The following HGSNAT variants were observed in gnomAD, a reference collection of about 807,000 sequenced individuals.
HGSNAT encodes transmembrane protein 76.
A neutral mutation model predicts 85.2 loss-of-function variants in HGSNAT; 59 were observed. That is an observed-to-expected ratio of 0.69 (90% CI 0.56 to 0.86). HGSNAT has a LOEUF of 0.86. Among genes scored for constraint, HGSNAT ranks in the 40% least tolerant of loss-of-function variants. The probability of loss-of-function intolerance (pLI) is 0.00; values close to 1 mark genes in which losing one functional copy is unlikely to be tolerated. For synonymous variants in HGSNAT, 321 were observed against 304.5 expected (o/e 1.05, Z -0.56); for missense variants, 756 against 777.1 (o/e 0.97, Z 0.32).
At position 43,199,481 on chromosome 8, in the gene HGSNAT, A is replaced by G; in HGVS notation, c.1820A>G (p.Glu607Gly). 1 of 1,612,946 alleles carries G rather than the reference A, an allele frequency of 6.2e-7. No homozygotes were observed. Among genetic ancestry groups the G allele is most frequent in the South Asian group, 1.1e-5 (1 of 90,712 alleles). Residue 607 changes from glutamate to glycine, a missense_variant, in exon 18 of 18, where the codon GAG (glutamate) becomes GGG (glycine). Glu to Gly is a moderately conservative substitution (Grantham distance 98). Coordinates refer to ENST00000379644, the MANE Select transcript of HGSNAT (RefSeq NM_152419.3). ...CTGAAGGACAACCAGTCCCACAAGG[A>G]GCACCTGACTCAGAACATCGTCGCC... ...WKLKDNQSHK[E>G]HLTQNIVATA...
chr8:43,192,492 G>A, intron 13 of HGSNAT, 62 bp downstream of exon 13: 1 of 1,521,688 alleles, frequency 6.6e-7, no homozygotes, highest in Non-Finnish European at 8.8e-7. Flanking sequence ...AAGGAAAGTA[G>A]AAAGAGCCAG....
Position 43,182,143 on chromosome 8 carries a change from A to T in HGSNAT, c.1013-2A>T. 1 of 1,611,460 alleles carries T rather than the reference A, an allele frequency of 6.2e-7. No individual in the cohort carries two copies. Among genetic ancestry groups the T allele is most frequent in the Non-Finnish European group, 8.5e-7 (1 of 1,177,576 alleles). Reference sequence around the variant, plus strand: ...ACTTGACCTAACTTGTGTCTTTTGCAGTGTCTTGGGACAAGGTGCGCATTC... The same window carrying T: ...ACTTGACCTAACTTGTGTCTTTTGCTGTGTCTTGGGACAAGGTGCGCATTC... On this transcript the variant is annotated splice_acceptor_variant, in intron 10 of 17. Transcript: ENST00000379644. LOFTEE classifies it high-confidence loss of function.
chr8:43,169,146 T>C, intron 5 of HGSNAT, 27 bp from the exon 6 acceptor site: 2 of 1,415,922 alleles, frequency 1.4e-6, no homozygotes, highest in Non-Finnish European at 1.9e-6. Flanking sequence ...TGAAAATAAA[T>C]TAATTGAGCC....
intron 2 of HGSNAT, among the ~76,000 whole-genome samples, chr8:43,150,602 G>A (rs1802875644): frequency 6.6e-6 from 1 of 152,158 alleles, no homozygotes; most frequent in South Asian, 2.1e-4. Context: ...GGGAGGCCAA[G>A]GTGGGCGGAT....
intron 11 of HGSNAT, among the ~76,000 whole-genome samples, chr8:43,186,840 T>G (rs973951868): frequency 6.6e-6 from 1 of 152,250 alleles, no homozygotes; most frequent in Non-Finnish European, 1.5e-5. Flanking sequence ...TGGTATGTTG[T>G]GTCTTTGTTA....
At chr8:43,183,615 C>T (rs565388621) in intron 11 of HGSNAT, among the ~76,000 whole-genome samples, 4 of 152,190 alleles carry the variant, frequency 2.6e-5, no homozygotes, top group East Asian at 1.9e-4. Flanking sequence ...GGACTACAGG[C>T]GCCCGCCACC....
chr8:43,159,424 C>CA (rs1020445190), intron 4 of HGSNAT, among the ~76,000 whole-genome samples: 6 of 151,882 alleles, frequency 4.0e-5, no homozygotes, highest in Non-Finnish European at 7.4e-5. Flanking sequence ...CCCATCTCTA[C>CA]AAAAAATACA....
intron 9 of HGSNAT, among the ~76,000 whole-genome samples, chr8:43,177,190 CTT>C (rs1044300322): frequency 6.6e-6 from 1 of 152,012 alleles, no homozygotes. Flanking sequence ...CAAGAGCAAA[CTT>C]TCATCTCTGT....
intron 2 of HGSNAT, among the ~76,000 whole-genome samples, chr8:43,148,197 G>A (rs1050863275): frequency 1.4e-4 from 21 of 151,922 alleles, no homozygotes; most frequent in African/African-American, 2.4e-4. Flanking sequence ...AGCCGAGATC[G>A]CGCCATTGCT....
chr8:43,197,353 T>A lies in HGSNAT; in HGVS notation c.1543-319T>A, dbSNP rs554962285. 9 of 525,690 alleles carry A rather than the reference T, an allele frequency of 1.7e-5. No individual in the cohort carries two copies. In the East Asian group the frequency reaches 2.9e-4, roughly 17 times the overall value. 32.6% of individuals were successfully genotyped at this position (525,690 alleles called of 1,614,324 possible). A position where few individuals can be genotyped will look rare whatever the true frequency, so the allele number is the denominator to read the frequency against. On this transcript the variant is annotated intron_variant, in intron 15 of 17. Coordinates refer to ENST00000379644, the MANE Select transcript of HGSNAT (RefSeq NM_152419.3). ...CAGGTTGCAGACATCAACTTCCAGA[T>A]TATATGGGAAAGAGAGTTGCAAGGT...
chr8:43,170,546 G>A, intron 6 of HGSNAT, 39 bp from the exon 7 acceptor site: 1 of 1,372,204 alleles, frequency 7.3e-7, no homozygotes, highest in Non-Finnish European at 1.0e-6. Flanking sequence ...TTACCCCTTA[G>A]CATTATGAGT....
At chr8:43,151,440 C>T (rs1479076003) in intron 2 of HGSNAT, among the ~76,000 whole-genome samples, 2 of 152,166 alleles carry the variant, frequency 1.3e-5, no homozygotes, top group Non-Finnish European at 2.9e-5. Context: ...AGAGCGAGAC[C>T]TCTCCACGTG....
chr8:43,158,607 G>A lies in HGSNAT; in HGVS notation c.267G>A (p.Gln89=). ...CLFQVLVNVP[Q]SPKAGKPSAA... ...TTCAGGTTCTGGTAAACGTTCCTCAGAGTCCAAAAGCAGGGAAGCCTAGTG... is the reference window on the plus strand; with the variant it reads ...TTCAGGTTCTGGTAAACGTTCCTCAAAGTCCAAAAGCAGGGAAGCCTAGTG... Residue 89 remains glutamine, a synonymous_variant, in exon 3 of 18, where the codon CAG becomes CAA. Coordinates refer to ENST00000379644, the MANE Select transcript of HGSNAT (RefSeq NM_152419.3). The A allele has an allele frequency of 1.2e-6, 2 of 1,613,924 alleles. No individual in the cohort carries two copies. Among genetic ancestry groups the A allele is most frequent in the South Asian group, 1.1e-5 (1 of 91,076 alleles).
chr8:43,192,492 G>GAAAAA, intron 13 of HGSNAT, 62 bp downstream of exon 13: 9 of 1,521,688 alleles, frequency 5.9e-6, no homozygotes, highest in Non-Finnish European at 7.9e-6. Flanking sequence ...AAGGAAAGTA[G>GAAAAA]AAAGAGCCAG....
chr8:43,188,977 C>A (rs960959538), intron 11 of HGSNAT, among the ~76,000 whole-genome samples: 3 of 152,152 alleles, frequency 2.0e-5, no homozygotes, highest in Non-Finnish European at 4.4e-5. Context: ...ATGTTGCTGC[C>A]TGATCCTTCC....
chr8:43,145,828 G>A (rs1802697187), intron 1 of HGSNAT, among the ~76,000 whole-genome samples: 1 of 152,094 alleles, frequency 6.6e-6, no homozygotes, highest in Non-Finnish European at 1.5e-5. Flanking sequence ...AGTGACTAGG[G>A]AGCCCAGAGG....
At position 43,141,479 on chromosome 8, in the gene HGSNAT, A is replaced by G. The variant is rs191541246; in HGVS notation, c.118+865A>G. ...AAATACAGATTCCAGGTCTCCATCT[A>G]GACCCCTGCACCGGGGAGCCCCAGG... On this transcript the variant is annotated intron_variant, in intron 1 of 17. Transcript: ENST00000379644. 2.0e-5 allele frequency among the ~76,000 whole-genome samples: 3 copies of G among 152,178 alleles called. No homozygotes were observed. The East Asian group carries it at 5.8e-4, about 30-fold the overall frequency.
chr8:43,196,937 A>G lies in HGSNAT; in HGVS notation c.1465-11A>G. ...GCGATTCTTTTGGTCACACTGTGTT[A>G]TCTCCTCCAGGCAGGAAAAATACTA... On this transcript the variant is annotated splice_polypyrimidine_tract_variant and intron_variant, in intron 14 of 17. Transcript: ENST00000379644. 1.9e-6 allele frequency: 3 copies of G among 1,555,924 alleles called. No individual in the cohort carries two copies. The highest frequency in any genetic ancestry group is 2.7e-6 in the Non-Finnish European group (3 of 1,127,440).
chr8:43,172,154 C>T (rs1490121492), intron 7 of HGSNAT, among the ~76,000 whole-genome samples, 156 bp from the exon 8 acceptor site: 1 of 152,190 alleles, frequency 6.6e-6, no homozygotes, highest in Non-Finnish European at 1.5e-5. Context: ...AAAATAATCG[C>T]TTCTTGGCCT....
Sources: gnomAD v4.1 joint callset for allele counts (sites outside exome capture counted in the v4.1 genomes callset) on GRCh38, gnomAD v4.1.1 for gene constraint, MANE v1.5 for transcripts, NCBI Gene and HGNC (gene_info 2026-07-23, HGNC 2026-07-21) for gene names.